ARHGAP15: variants seen among roughly 807,000 people sequenced by gnomAD.
The protein encoded by ARHGAP15 is rho GTPase-activating protein 15.
ARHGAP15 carries 51 observed loss-of-function variants against 63.7 expected under a neutral mutation model. The observed-to-expected ratio is 0.80, with a 90% confidence interval of 0.64 to 1.01. ARHGAP15 has a LOEUF of 1.01. Among genes scored for constraint, ARHGAP15 ranks in the 50% least tolerant of loss-of-function variants. ARHGAP15 has a pLI of 0.00. For missense variants in ARHGAP15, 560 were observed against 564.6 expected (o/e 0.99, Z 0.08); for synonymous variants, 191 against 193.8 (o/e 0.99, Z 0.12).
intron 10 of ARHGAP15, among the ~76,000 whole-genome samples, chr2:143,521,420 T>C (rs980131946): frequency 6.6e-6 from 1 of 152,212 alleles, no homozygotes; most frequent in Non-Finnish European, 1.5e-5. Flanking sequence ...CTCAAAGTGT[T>C]GTTTTTACGA....
At chr2:143,619,587 T>C (rs976451083) in intron 11 of ARHGAP15, among the ~76,000 whole-genome samples, 1 of 152,156 alleles carries the variant, frequency 6.6e-6, no homozygotes, top group African/African-American at 2.4e-5. Context: ...GACTATAACA[T>C]GTGATATGGT....
At chr2:143,511,855 A>C (rs959200242) in intron 9 of ARHGAP15, among the ~76,000 whole-genome samples, 1 of 152,214 alleles carries the variant, frequency 6.6e-6, no homozygotes, top group Non-Finnish European at 1.5e-5. Context: ...TAAATTCAAC[A>C]ATGACAGTGT....
rs1284531534 is a variant in ARHGAP15, at chr2:143,572,652, A to C, written c.1003+16167A>C. On this transcript the variant is annotated intron_variant, in intron 11 of 13. Coordinates refer to ENST00000295095, the MANE Select transcript of ARHGAP15 (RefSeq NM_018460.4). ...TCACCTCAAATCACACCACTTAGAC[A>C]GCTATAAAGCCAGGCTTACCTGGAA... is the stretch of plus-strand genomic sequence containing the variant. Among the ~76,000 whole-genome samples the C allele has an allele frequency of 2.6e-5, 4 of 152,204 alleles. No homozygotes were observed. The East Asian group carries it at 7.7e-4, about 29-fold the overall frequency.
intron 6 of ARHGAP15, among the ~76,000 whole-genome samples, chr2:143,353,105 A>T (rs755377371): frequency 4.6e-5 from 7 of 151,848 alleles, no homozygotes; most frequent in South Asian, 2.1e-4. Flanking sequence ...AATACATTTT[A>T]AAAAAAATTA....
chr2:143,590,833 A>G (rs1412531073), intron 11 of ARHGAP15, among the ~76,000 whole-genome samples: 1 of 152,132 alleles, frequency 6.6e-6, no homozygotes, highest in Non-Finnish European at 1.5e-5. Context: ...TTAATTGGCA[A>G]AAAATTAAGT....
chr2:143,407,513 G>A (rs903963096), intron 6 of ARHGAP15, among the ~76,000 whole-genome samples: 1 of 151,708 alleles, frequency 6.6e-6, no homozygotes, highest in Non-Finnish European at 1.5e-5. Context: ...TCACTCCTCA[G>A]TGGAAATGAA....
chr2:143,444,679 G>GA (rs570541568), intron 8 of ARHGAP15, among the ~76,000 whole-genome samples: 125 of 148,594 alleles, frequency 8.4e-4, no homozygotes, highest in East Asian at 3.1e-3. Context: ...ATGCTTGGGG[G>GA]AAAAAAAAAA....
In ARHGAP15 at chr2:143,290,854, G is replaced by A. The variant is rs369890285; in HGVS notation, c.474+40254G>A. On this transcript the variant is annotated intron_variant, in intron 6 of 13. Coordinates refer to ENST00000295095, the MANE Select transcript of ARHGAP15 (RefSeq NM_018460.4). The stretch of plus-strand genomic sequence containing the variant: ...GAAACACAGATTACTCACTTCTCAA[G>A]TAGAGTATGATAGCCGGCAGCAGGT... 5.6e-4 allele frequency among the ~76,000 whole-genome samples: 86 copies of A among 152,300 alleles called. 1 individual carries two copies. The highest frequency in any genetic ancestry group is 5.4e-3 in the South Asian group (26 of 4,826).
At chr2:143,752,402 C>T (rs1686413588) in intron 13 of ARHGAP15, among the ~76,000 whole-genome samples, 1 of 152,196 alleles carries the variant, frequency 6.6e-6, no homozygotes, top group African/African-American at 2.4e-5. Context: ...ATACTTTACA[C>T]CAGCTAGTCT....
chr2:143,226,750 T>C (rs1164697444), intron 4 of ARHGAP15, among the ~76,000 whole-genome samples: 1 of 152,226 alleles, frequency 6.6e-6, no homozygotes, highest in Non-Finnish European at 1.5e-5. Flanking sequence ...ACAGTGTTTG[T>C]ATTTGGATGT....
At chr2:143,202,340 C>T in intron 3 of ARHGAP15, 138 bp downstream of exon 3, 1 of 691,046 alleles carries the variant, frequency 1.4e-6, no homozygotes, top group Non-Finnish European at 2.6e-6. Flanking sequence ...GTAGAGGGAT[C>T]TAGCTTGGAG....
rs146492412 is a variant in ARHGAP15, at chr2:143,631,122, A to G, written c.1138+6855A>G. On this transcript the variant is annotated intron_variant, in intron 12 of 13. Coordinates refer to ENST00000295095, the MANE Select transcript of ARHGAP15 (RefSeq NM_018460.4). ...TTGGGGGAGAGGCTTTTTTTCATTC[A>G]ACATAATTATTTTGAGATTTATCCA... Among the ~76,000 whole-genome samples the G allele has an allele frequency of 4.6e-5, 7 of 152,120 alleles. No individual in the cohort carries two copies. The East Asian group carries it at 1.2e-3, about 25-fold the overall frequency.
At chr2:143,316,753 C>G (rs1683739226) in intron 6 of ARHGAP15, among the ~76,000 whole-genome samples, 1 of 151,852 alleles carries the variant, frequency 6.6e-6, no homozygotes. Context: ...ATCAAACAAT[C>G]TAATGCCTCA....
At chr2:143,670,834 T>C (rs1682486163) in intron 12 of ARHGAP15, among the ~76,000 whole-genome samples, 1 of 152,200 alleles carries the variant, frequency 6.6e-6, no homozygotes, top group African/African-American at 2.4e-5. Flanking sequence ...GCTTTGCATA[T>C]TGTGGGCTTC....
intron 13 of ARHGAP15, among the ~76,000 whole-genome samples, chr2:143,721,971 G>A (rs1310033834): frequency 6.6e-6 from 1 of 152,176 alleles, no homozygotes; most frequent in Non-Finnish European, 1.5e-5. Context: ...GGGATTACAG[G>A]CTTAAACTTA....
intron 12 of ARHGAP15, among the ~76,000 whole-genome samples, chr2:143,630,736 A>G (rs1171589611): frequency 1.3e-5 from 2 of 152,100 alleles, no homozygotes; most frequent in African/African-American, 4.8e-5. Context: ...TCTTCCATTC[A>G]TAAGGTGAGC....
intron 6 of ARHGAP15, among the ~76,000 whole-genome samples, chr2:143,411,481 C>T (rs2105023706): frequency 6.6e-6 from 1 of 152,240 alleles, no homozygotes; most frequent in African/African-American, 2.4e-5. Context: ...GTTAACTTCT[C>T]TATTATAGTT....
intron 2 of ARHGAP15, among the ~76,000 whole-genome samples, chr2:143,169,435 T>G (rs1443388932): frequency 6.6e-6 from 1 of 152,074 alleles, no homozygotes; most frequent in African/African-American, 2.4e-5. Context: ...CATAAGAAAC[T>G]GAGTTGTCAT....
intron 6 of ARHGAP15, among the ~76,000 whole-genome samples, chr2:143,433,072 G>A (rs550941324): frequency 2.7e-4 from 41 of 152,138 alleles, no homozygotes; most frequent in African/African-American, 9.4e-4. Flanking sequence ...TTTAGTCAGA[G>A]CTAACATTCT....
Sources: gnomAD v4.1 joint callset for allele counts (sites outside exome capture counted in the v4.1 genomes callset) on GRCh38, gnomAD v4.1.1 for gene constraint, MANE v1.5 for transcripts, NCBI Gene and HGNC (gene_info 2026-07-23, HGNC 2026-07-21) for gene names.